ZNF43: variants seen among roughly 807,000 people sequenced by gnomAD.
The protein encoded by ZNF43 is zinc finger protein 43, also known as zinc finger protein 39-like 1 (KOX 27).
A neutral mutation model predicts 68.4 loss-of-function variants in ZNF43; 44 were observed. The ratio of observed to expected loss-of-function variants is 0.64; its 90% confidence interval spans 0.51 to 0.83. The LOEUF is 0.83. Among genes scored for constraint, ZNF43 ranks in the 40% least tolerant of loss-of-function variants. The probability of loss-of-function intolerance (pLI) is 0.00; values close to 1 mark genes in which losing one functional copy is unlikely to be tolerated. For missense variants in ZNF43, 896 were observed against 933.2 expected (o/e 0.96, Z 0.52); for synonymous variants, 308 against 307.8 (o/e 1.00, Z -0.01).
chr19:21,837,413 TAC>T (rs1271543512), upstream of ZNF43, among the ~76,000 whole-genome samples: 62 of 141,406 alleles, frequency 4.4e-4, no homozygotes, highest in African/African-American at 1.5e-3. Flanking sequence ...TGCCTACACT[TAC>T]TTTTTTTTTT....
intron 1 of ZNF43, among the ~76,000 whole-genome samples, chr19:21,822,919 C>CT (rs1247497302): frequency 6.6e-6 from 1 of 152,056 alleles, no homozygotes. Context: ...TAATTTTAAT[C>CT]TTTTTTAGCC....
chr19:21,807,660 C>T lies in ZNF43; in HGVS notation c.2377G>A (p.Glu793Lys), dbSNP rs1242314715. The part of the protein sequence containing the change: ...IHTGEKLYKP[E>K]DVTVILTTPQ... ...GTTGTCAAAATCACTGTCACATCTT[C>T]AGGTTTGTAGAGTTTCTCTCCAGTA... The change falls in exon 4 of 4, where the codon GAA (glutamate) becomes AAA (lysine). Residue 793 changes from glutamate to lysine, a missense_variant. Coordinates refer to ENST00000354959, the MANE Select transcript of ZNF43 (RefSeq NM_003423.4). 6.3e-7 allele frequency: 1 copy of T among 1,581,756 alleles called. No individual in the cohort carries two copies. Among genetic ancestry groups the T allele is most frequent in the East Asian group, 2.2e-5 (1 of 44,458 alleles).
Position 21,809,352 on chromosome 19 carries a change from G to A in ZNF43, c.685C>T (p.Pro229Ser). 6.2e-7 allele frequency: 1 copy of A among 1,613,774 alleles called. No homozygotes were observed. The highest frequency in any genetic ancestry group is 8.5e-7 in the Non-Finnish European group (1 of 1,179,888). ...TTGCCACATTCTTCACATGTGTAGG[G>A]TTTCTCTCCAGTATTAATTCTCTTA... The part of the protein sequence containing the change: ...KHKRINTGEK[P>S]YTCEECGKVF... The change falls in exon 4 of 4, where the codon CCC becomes TCC. Residue 229 changes from proline (P) to serine (S), a missense_variant. By Grantham distance (74) the Pro-to-Ser change is moderately conservative. Coordinates refer to ENST00000354959, the MANE Select transcript of ZNF43 (RefSeq NM_003423.4).
In ZNF43 at chr19:21,809,282, T is replaced by A; in HGVS notation, c.755A>T (p.Tyr252Phe). ...SSRLTTHKKN[Y>F]TRYKLYKCEE... is the part of the protein sequence containing the mutation. ...ACATTTGTAGAGTTTGTATCTAGTA[T>A]AATTTTTTTTATGTGTAGTAAGGCG... Residue 252 changes from tyrosine (Y) to phenylalanine (F), a missense_variant, in exon 4 of 4, where the codon TAT becomes TTT. Physicochemically the swap from Tyr to Phe is conservative, Grantham distance 22. Coordinates refer to ENST00000354959, the MANE Select transcript of ZNF43 (RefSeq NM_003423.4). The A allele has an allele frequency of 1.2e-6, 2 of 1,613,676 alleles. No homozygotes were observed. Among genetic ancestry groups the A allele is most frequent in the Non-Finnish European group, 1.7e-6 (2 of 1,179,868 alleles).
intron 1 of ZNF43, among the ~76,000 whole-genome samples, chr19:21,844,975 G>T (rs1967851871): frequency 7.2e-6 from 1 of 138,406 alleles, no homozygotes; most frequent in Non-Finnish European, 1.5e-5. Context: ...ACACCTATGG[G>T]TAAAGAGTGA....
intron 3 of ZNF43, among the ~76,000 whole-genome samples, chr19:21,812,419 A>T (rs2037323148): frequency 6.6e-6 from 1 of 152,208 alleles, no homozygotes; most frequent in Non-Finnish European, 1.5e-5. Flanking sequence ...TGGCCTATAA[A>T]CAACTCTTAA....
At chr19:21,838,075 T>C (rs1173069977), upstream of ZNF43, 1 of 152,164 alleles carries the variant, frequency 6.6e-6, no homozygotes, top group Non-Finnish European at 1.5e-5. Context: ...CAGATGTGCA[T>C]TTGTCTCAGG....
rs2036907777 is a variant in ZNF43, at chr19:21,805,661, A to C, written c.*1946T>G. The C allele has an allele frequency of 6.6e-6, 1 of 152,094 alleles. No individual in the cohort carries two copies. Among genetic ancestry groups the C allele is most frequent in the African/African-American group, 2.4e-5 (1 of 41,450 alleles). The allele number at this position is 152,094 out of a possible 1,614,324, so 9.4% of individuals were successfully genotyped here. On this transcript the variant is annotated 3_prime_UTR_variant, in exon 4 of 4. Coordinates refer to ENST00000354959, the MANE Select transcript of ZNF43 (RefSeq NM_003423.4). ...ACAAAAAAAATTATGAATAGCACAA[A>C]GAATAAAATAAGGTAATTAAAATCA... is the stretch of plus-strand genomic sequence containing the variant.
At chr19:21,826,391 A>G (rs1012402018) in intron 1 of ZNF43, 2 of 152,220 alleles carry the variant, frequency 1.3e-5, no homozygotes, top group African/African-American at 4.8e-5. Context: ...AACAGAAATA[A>G]AATTGTTTAT....
chr19:21,829,497 A>G (rs1203525426), intron 1 of ZNF43, among the ~76,000 whole-genome samples: 1 of 152,196 alleles, frequency 6.6e-6, no homozygotes, highest in Non-Finnish European at 1.5e-5. Context: ...TGTCTACTTT[A>G]AAAGACTAAA....
intron 2 of ZNF43, among the ~76,000 whole-genome samples, chr19:21,818,671 C>T (rs867860937): frequency 1.3e-5 from 2 of 152,146 alleles, no homozygotes; most frequent in South Asian, 2.1e-4. Flanking sequence ...CTGCCTGCCT[C>T]GGCCTCCCAG....
chr19:21,808,200 T>C lies in ZNF43; in HGVS notation c.1837A>G (p.Lys613Glu). The C allele has an allele frequency of 1.2e-6, 2 of 1,613,242 alleles. No individual in the cohort carries two copies. Among genetic ancestry groups the C allele is most frequent in the Non-Finnish European group, 1.7e-6 (2 of 1,179,652 alleles). Reference sequence around the variant, plus strand: ...GGTTTTCCTCCAGTATGAATTTTTTTATGTGTAGTAAGGTTTGAAGATTGG... The same window carrying C: ...GGTTTTCCTCCAGTATGAATTTTTTCATGTGTAGTAAGGTTTGAAGATTGG... ...FTQSSNLTTH[K>E]KIHTGGKPYK... is the part of the protein sequence containing the mutation. Residue 613 changes from lysine (K) to glutamate (E), a missense_variant, in exon 4 of 4, where the codon AAA becomes GAA. Physicochemically the swap from Lys to Glu is moderately conservative, Grantham distance 56. Transcript: ENST00000354959.
At chr19:21,840,356 C>CA, upstream of ZNF43, 1 of 152,532 alleles carries the variant, frequency 6.6e-6, no homozygotes, top group Non-Finnish European at 1.5e-5. Flanking sequence ...ATCACAGTCA[C>CA]AAAAAAATGT....
intron 1 of ZNF43, among the ~76,000 whole-genome samples, chr19:21,829,190 C>G (rs760320703): frequency 1.8e-4 from 27 of 151,902 alleles, no homozygotes; most frequent in South Asian, 8.3e-4. Context: ...TGCCACTGCA[C>G]TCGAGCCTGG....
intron 3 of ZNF43, among the ~76,000 whole-genome samples, chr19:21,817,223 T>TAAA (rs571622011): frequency 7.4e-6 from 1 of 135,454 alleles, no homozygotes; most frequent in South Asian, 2.6e-4. Flanking sequence ...CCTCTGTCTT[T>TAAA]AAAAAAAAAA....
chr19:21,821,548 T>A (rs957107499), intron 1 of ZNF43, among the ~76,000 whole-genome samples: 37 of 152,172 alleles, frequency 2.4e-4, no homozygotes, highest in African/African-American at 7.7e-4. Flanking sequence ...AAACTCAACA[T>A]TACATGTTCT....
In ZNF43 at chr19:21,808,360, A is replaced by C; in HGVS notation, c.1677T>G (p.Ile559Met). 1 of 1,612,798 alleles carries C rather than the reference A, an allele frequency of 6.2e-7. No homozygotes were observed. The highest frequency in any genetic ancestry group is 8.5e-7 in the Non-Finnish European group (1 of 1,179,694). The change falls in exon 4 of 4, where the codon ATT becomes ATG. Residue 559 changes from isoleucine (I) to methionine (M), a missense_variant. Physicochemically the swap from Ile to Met is conservative, Grantham distance 10. Transcript: ENST00000354959. Reference protein sequence around the residue: ...HFSILTKHKRIHTGEKPYKCE... With the variant: ...HFSILTKHKRMHTGEKPYKCE... ...ACTTGTAGGGTTTCTCTCCAGTATGAATCCTCTTATGTTTGGTAAGGATTG... is the reference window on the plus strand; with the variant it reads ...ACTTGTAGGGTTTCTCTCCAGTATGCATCCTCTTATGTTTGGTAAGGATTG...
At position 21,835,951 on chromosome 19, in the gene ZNF43, C is replaced by G; in HGVS notation, c.3+85G>C. 3 of 1,605,504 alleles carry G rather than the reference C, an allele frequency of 1.9e-6. No individual in the cohort carries two copies. The Admixed American group carries it at 5.0e-5, about 27-fold the overall frequency. Reference sequence around the variant, plus strand: ...CGAGCTGGGCAAGAACTCCGGCACGCGCAGATTGTGGAGCTGACTGCGGGA... The same window carrying G: ...CGAGCTGGGCAAGAACTCCGGCACGGGCAGATTGTGGAGCTGACTGCGGGA... On this transcript the variant is annotated intron_variant, in intron 1 of 3. Transcript: ENST00000354959.
At chr19:21,836,358 T>G, upstream of ZNF43, 1 of 940,852 alleles carries the variant, frequency 1.1e-6, no homozygotes. Context: ...CAGCCTAGGC[T>G]GCCGCCTTTT....
Sources: gnomAD v4.1 joint callset for allele counts (sites outside exome capture counted in the v4.1 genomes callset) on GRCh38, gnomAD v4.1.1 for gene constraint, MANE v1.5 for transcripts, NCBI Gene and HGNC (gene_info 2026-07-23, HGNC 2026-07-21) for gene names.